Variants in TMEM131 observed in about 807,000 individuals in gnomAD.
The protein encoded by TMEM131 is transmembrane protein 131, also known as 2610524E03Rik.
A neutral mutation model predicts 211.6 loss-of-function variants in TMEM131; 66 were observed. That is an observed-to-expected ratio of 0.31 (90% CI 0.26 to 0.38). TMEM131 has a LOEUF of 0.38. TMEM131 is among the 10% of genes least tolerant of loss of function. The pLI, the probability that TMEM131 is intolerant of heterozygous loss-of-function variation, is 1.00. For missense variants in TMEM131, 2,036 were observed against 2,299.3 expected (o/e 0.89, Z 2.34); for synonymous variants, 844 against 841.3 (o/e 1.00, Z -0.06).
At chr2:97,941,131 G>A (rs915621369) in intron 1 of TMEM131, among the ~76,000 whole-genome samples, 1 of 152,142 alleles carries the variant, frequency 6.6e-6, no homozygotes, top group African/African-American at 2.4e-5. Flanking sequence ...CAGAGATATA[G>A]ATCAATGAAA....
At chr2:97,773,358 C>T (rs962586648) in intron 32 of TMEM131, among the ~76,000 whole-genome samples, 16 of 152,152 alleles carry the variant, frequency 1.1e-4, no homozygotes, top group African/African-American at 3.9e-4. Flanking sequence ...TGAAGTCTAG[C>T]AGGAGGGAGA....
In TMEM131 at chr2:97,809,697, A is replaced by G; in HGVS notation, c.2046T>C (p.Pro682=). ...GTATTAATGGTCTTACTGGAAAGGA[A>G]GGTGGAAGAACCACGTGCTTAGGGA... ...TCFPKHVVLP[P]SFPGKIVHQS... is the part of the protein sequence containing the mutation. Residue 682 remains proline (P), a synonymous_variant, in exon 19 of 41, where the codon CCT becomes CCC. Transcript: ENST00000186436. 1 of 1,610,344 alleles carries G rather than the reference A, an allele frequency of 6.2e-7. No individual in the cohort carries two copies. The highest frequency in any genetic ancestry group is 8.5e-7 in the Non-Finnish European group (1 of 1,178,242).
intron 12 of TMEM131, among the ~76,000 whole-genome samples, chr2:97,816,436 C>T (rs549560945): frequency 6.6e-6 from 1 of 152,268 alleles, no homozygotes; most frequent in South Asian, 2.1e-4. Context: ...TGGTTCTTTT[C>T]AAAGCAAATA....
At chr2:97,918,595 TAACAACAAC>T (rs759450965) in intron 2 of TMEM131, among the ~76,000 whole-genome samples, 1 of 151,848 alleles carries the variant, frequency 6.6e-6, no homozygotes, top group African/African-American at 2.4e-5. Flanking sequence ...CCAATTTCAT[TAACAACAAC>T]AACAACAAAA....
intron 3 of TMEM131, among the ~76,000 whole-genome samples, chr2:97,896,664 CAG>C (rs1253972838): frequency 2.0e-5 from 3 of 152,124 alleles, no homozygotes; most frequent in African/African-American, 7.2e-5. Context: ...TCTGTTTCAT[CAG>C]AGACTAGGAT....
intron 1 of TMEM131, among the ~76,000 whole-genome samples, chr2:97,965,461 T>G (rs935897025): frequency 6.6e-6 from 1 of 152,228 alleles, no homozygotes; most frequent in Admixed American, 6.5e-5. Context: ...TTGTCTCCGC[T>G]GGACTCGGGG....
At chr2:97,970,791 T>C (rs1013696759) in intron 1 of TMEM131, among the ~76,000 whole-genome samples, 1 of 152,094 alleles carries the variant, frequency 6.6e-6, no homozygotes. Context: ...ACATATCTCA[T>C]TCACTTTTAC....
In TMEM131 at chr2:97,757,293, T is replaced by A; in HGVS notation, c.5458A>T (p.Thr1820Ser). The A allele has an allele frequency of 6.2e-7, 1 of 1,613,552 alleles. No homozygotes were observed. Among genetic ancestry groups the A allele is most frequent in the Non-Finnish European group, 8.5e-7 (1 of 1,179,818 alleles). The change falls in exon 41 of 41, where the codon ACC (threonine) becomes TCC (serine). Residue 1820 changes from threonine (T) to serine (S), a missense_variant. Transcript: ENST00000186436. The stretch of plus-strand genomic sequence containing the variant: ...CTTGCCAGCGTGTTTGCTGGAGTGG[T>A]GAAGGGAAGGGCGCTGCTAAGGTTG... ...SSNLSSALPF[T>S]TPANTLASIG...
At chr2:97,790,924 G>C (rs1411578927) in intron 31 of TMEM131, among the ~76,000 whole-genome samples, 1 of 152,136 alleles carries the variant, frequency 6.6e-6, no homozygotes, top group Non-Finnish European at 1.5e-5. Flanking sequence ...GTATTCCTGG[G>C]ACTAAAAAAT....
At chr2:97,915,869 A>G (rs1370639543) in intron 2 of TMEM131, among the ~76,000 whole-genome samples, 1 of 152,070 alleles carries the variant, frequency 6.6e-6, no homozygotes, top group East Asian at 1.9e-4. Context: ...TTTGCATACC[A>G]TTTTAGTATT....
chr2:97,760,970 G>C lies in TMEM131; in HGVS notation c.4890-56C>G, dbSNP rs756403620. The C allele has an allele frequency of 1.9e-6, 3 of 1,601,784 alleles. No homozygotes were observed. In the East Asian group the frequency reaches 6.7e-5, roughly 36 times the overall value. On this transcript the variant is annotated intron_variant, in intron 36 of 40. Transcript: ENST00000186436. ...CCTCATCAGCAGTGCCCTGTCTCGGGGAGGTGTGGGGCTGGCAGGACTGAG... is the reference window on the plus strand; with the variant it reads ...CCTCATCAGCAGTGCCCTGTCTCGGCGAGGTGTGGGGCTGGCAGGACTGAG...
chr2:97,888,877 T>A (rs565030956), intron 3 of TMEM131, among the ~76,000 whole-genome samples: 3 of 152,280 alleles, frequency 2.0e-5, no homozygotes, highest in Admixed American at 2.0e-4. Flanking sequence ...AATAGTAGAT[T>A]TTGATGTTTT....
At chr2:97,908,861 C>A (rs997485965) in intron 2 of TMEM131, among the ~76,000 whole-genome samples, 163 bp from the exon 3 acceptor site, 7 of 152,140 alleles carry the variant, frequency 4.6e-5, no homozygotes, top group African/African-American at 1.7e-4. Flanking sequence ...ATGACTAGAT[C>A]AAATTGTAAA....
chr2:97,916,345 A>C (rs952894826), intron 2 of TMEM131, among the ~76,000 whole-genome samples: 2 of 152,244 alleles, frequency 1.3e-5, no homozygotes, highest in Admixed American at 6.5e-5. Flanking sequence ...ATTTCTGAGA[A>C]GACTCAAAAT....
chr2:97,889,748 T>C (rs980975494), intron 3 of TMEM131, among the ~76,000 whole-genome samples: 1 of 152,052 alleles, frequency 6.6e-6, no homozygotes, highest in Non-Finnish European at 1.5e-5. Context: ...AGTGGCCAGG[T>C]GGGGTAAAAA....
intron 2 of TMEM131, among the ~76,000 whole-genome samples, chr2:97,919,274 GC>G (rs1397783867): frequency 2.0e-4 from 31 of 152,096 alleles, no homozygotes; most frequent in African/African-American, 7.0e-4. Context: ...GCGTTTCTGA[GC>G]TTCTAAAATC....
In TMEM131 at chr2:97,792,405, C is replaced by T. The variant is rs772671471; in HGVS notation, c.4125G>A (p.Ser1375=). 5.7e-6 allele frequency: 9 copies of T among 1,578,738 alleles called. No homozygotes were observed. Among genetic ancestry groups the T allele is most frequent in the East Asian group, 2.3e-5 (1 of 44,412 alleles). ...ALEVFTEQPP[S]PLPKSKGKGK... Reference sequence around the variant, plus strand: ...GATTACCTTTGCTTTTTGGCAATGGCGATGGAGGCTGCTCTGTAAACACTT... The same window carrying T: ...GATTACCTTTGCTTTTTGGCAATGGTGATGGAGGCTGCTCTGTAAACACTT... Residue 1375 remains serine, a synonymous_variant, in exon 31 of 41, where the codon TCG becomes TCA. Coordinates refer to ENST00000186436, the MANE Select transcript of TMEM131 (RefSeq NM_015348.2).
intron 19 of TMEM131, among the ~76,000 whole-genome samples, chr2:97,806,948 C>G (rs535927600): frequency 2.0e-5 from 3 of 152,146 alleles, no homozygotes; most frequent in African/African-American, 4.8e-5. Context: ...CAGGAGCCCT[C>G]GGGCAGTCAC....
At chr2:97,790,309 TGAA>T (rs1429056608) in intron 31 of TMEM131, among the ~76,000 whole-genome samples, 2 of 152,064 alleles carry the variant, frequency 1.3e-5, no homozygotes, top group Admixed American at 1.3e-4. Flanking sequence ...ATAAAAACAT[TGAA>T]GAAGAAAAAA....
Sources: gnomAD v4.1 joint callset for allele counts (sites outside exome capture counted in the v4.1 genomes callset) on GRCh38, gnomAD v4.1.1 for gene constraint, MANE v1.5 for transcripts, NCBI Gene and HGNC (gene_info 2026-07-23, HGNC 2026-07-21) for gene names.